EXOC6B: variants seen among roughly 807,000 people sequenced by gnomAD.
EXOC6B encodes exocyst complex component 6B.
EXOC6B carries 54 observed loss-of-function variants against 113.5 expected under a neutral mutation model. That is an observed-to-expected ratio of 0.48 (90% CI 0.38 to 0.60). The LOEUF (loss-of-function observed/expected upper bound fraction) is 0.60. Among genes scored for constraint, EXOC6B ranks in the 20% least tolerant of loss-of-function variants. The probability of loss-of-function intolerance (pLI) is 0.00; values close to 1 mark genes in which losing one functional copy is unlikely to be tolerated. For synonymous variants in EXOC6B, 357 were observed against 339.0 expected (o/e 1.05, Z -0.58); for missense variants, 797 against 977.5 (o/e 0.82, Z 2.46).
intron 11 of EXOC6B, among the ~76,000 whole-genome samples, chr2:72,504,236 A>G (rs1161410464): frequency 6.6e-6 from 1 of 152,036 alleles, no homozygotes; most frequent in African/African-American, 2.4e-5. Flanking sequence ...TTAAGACGTC[A>G]TTGTATATTT....
rs373505396 is a variant in EXOC6B at position 72,443,145 on chromosome 2, T to C, written c.1980+22015A>G. The stretch of plus-strand genomic sequence containing the variant: ...TTCGAGACCAGCCTGGCCAATATGA[T>C]GAAACCCCATCTCTACTAAAAATAC... On this transcript the variant is annotated intron_variant, in intron 18 of 21. Transcript: ENST00000272427. Among the ~76,000 whole-genome samples, 75 of 151,896 alleles carry C rather than the reference T, an allele frequency of 4.9e-4. 3 individuals are homozygous for C. In the South Asian group the frequency reaches 0.015, roughly 31 times the overall value.
intron 17 of EXOC6B, among the ~76,000 whole-genome samples, chr2:72,469,412 T>G (rs1698262355): frequency 6.6e-6 from 1 of 152,222 alleles, no homozygotes; most frequent in South Asian, 2.1e-4. Flanking sequence ...AGATCCTTCT[T>G]CTTTCTAATA....
intron 18 of EXOC6B, among the ~76,000 whole-genome samples, chr2:72,446,029 T>A (rs901189002): frequency 1.3e-5 from 2 of 152,182 alleles, no homozygotes. Context: ...AAGGGAACGC[T>A]TATACACTGT....
chr2:72,440,044 C>T (rs968488252), intron 18 of EXOC6B, among the ~76,000 whole-genome samples: 6 of 152,094 alleles, frequency 3.9e-5, no homozygotes, highest in African/African-American at 1.4e-4. Flanking sequence ...CAGTCTTCCC[C>T]TTCCTCTGAG....
At chr2:72,194,898 CT>C (rs1679077925) in intron 20 of EXOC6B, among the ~76,000 whole-genome samples, 3 of 152,124 alleles carry the variant, frequency 2.0e-5, no homozygotes, top group Non-Finnish European at 2.9e-5. Context: ...AACTCCTCTT[CT>C]TTTCCCTAGT....
intron 15 of EXOC6B, among the ~76,000 whole-genome samples, chr2:72,495,140 G>A (rs74402944): frequency 2.4e-4 from 36 of 152,124 alleles, no homozygotes; most frequent in African/African-American, 4.3e-4. Flanking sequence ...TTACAAAAAT[G>A]AGCCACTGCA....
chr2:72,676,214 A>C (rs1022480608), intron 6 of EXOC6B, among the ~76,000 whole-genome samples: 1 of 152,044 alleles, frequency 6.6e-6, no homozygotes, highest in East Asian at 1.9e-4. Context: ...AGCCACTCTT[A>C]GTCTTTAGAG....
At chr2:72,316,684 A>G (rs1687532771) in intron 20 of EXOC6B, among the ~76,000 whole-genome samples, 1 of 152,204 alleles carries the variant, frequency 6.6e-6, no homozygotes. Flanking sequence ...CCACTGAGGG[A>G]TGGGGAATTC....
At chr2:72,667,430 C>A (rs983580827) in intron 6 of EXOC6B, among the ~76,000 whole-genome samples, 1 of 152,002 alleles carries the variant, frequency 6.6e-6, no homozygotes. Context: ...CAATCATAAG[C>A]AAAAGGACAA....
chr2:72,802,316 C>T (rs1685331713), intron 1 of EXOC6B, among the ~76,000 whole-genome samples: 2 of 149,066 alleles, frequency 1.3e-5, no homozygotes, highest in African/African-American at 4.9e-5. Flanking sequence ...CAGGGCAAGA[C>T]TCTGTCTCAA....
intron 20 of EXOC6B, among the ~76,000 whole-genome samples, chr2:72,260,687 C>T (rs1303033284): frequency 1.3e-5 from 2 of 152,084 alleles, no homozygotes; most frequent in African/African-American, 4.8e-5. Context: ...AAGATTTTGG[C>T]AATTTCCTTG....
intron 18 of EXOC6B, among the ~76,000 whole-genome samples, chr2:72,443,979 A>G (rs1383918965): frequency 2.6e-5 from 4 of 152,174 alleles, no homozygotes; most frequent in Non-Finnish European, 4.4e-5. Context: ...GTCTTAACTC[A>G]TTTCAGCATT....
intron 17 of EXOC6B, among the ~76,000 whole-genome samples, chr2:72,472,925 T>C (rs1398152577): frequency 6.6e-6 from 1 of 152,192 alleles, no homozygotes; most frequent in Non-Finnish European, 1.5e-5. Context: ...TATTAATTTC[T>C]TCATTGAACC....
intron 6 of EXOC6B, among the ~76,000 whole-genome samples, chr2:72,639,156 C>T (rs1172988116): frequency 6.6e-6 from 1 of 152,174 alleles, no homozygotes; most frequent in African/African-American, 2.4e-5. Flanking sequence ...TTTTGCTTTC[C>T]TTGCCACAAC....
At chr2:72,630,295 A>G (rs1672307481) in intron 6 of EXOC6B, among the ~76,000 whole-genome samples, 1 of 152,208 alleles carries the variant, frequency 6.6e-6, no homozygotes, top group South Asian at 2.1e-4. Context: ...TGAGATCACA[A>G]ATGTGTGGTC....
chr2:72,816,921 C>G (rs928745072), intron 1 of EXOC6B, among the ~76,000 whole-genome samples: 2 of 152,198 alleles, frequency 1.3e-5, no homozygotes, highest in African/African-American at 4.8e-5. Flanking sequence ...CCATTGCTAG[C>G]TAACTGAACC....
chr2:72,785,458 C>CA (rs1684320030), intron 1 of EXOC6B, among the ~76,000 whole-genome samples: 1 of 152,244 alleles, frequency 6.6e-6, no homozygotes, highest in Non-Finnish European at 1.5e-5. Flanking sequence ...GCCCCTGCAG[C>CA]AAACTTTTGC....
intron 18 of EXOC6B, among the ~76,000 whole-genome samples, chr2:72,447,568 C>T (rs1696662172): frequency 6.6e-6 from 1 of 152,136 alleles, no homozygotes; most frequent in South Asian, 2.1e-4. Context: ...AAACTCAATA[C>T]ATTAGGTGTG....
At chr2:72,403,209 T>C (rs1346182814) in intron 18 of EXOC6B, among the ~76,000 whole-genome samples, 1 of 152,226 alleles carries the variant, frequency 6.6e-6, no homozygotes, top group Non-Finnish European at 1.5e-5. Context: ...CAGTCTATTG[T>C]ATGTCTGCAT....
Sources: gnomAD v4.1 joint callset for allele counts (sites outside exome capture counted in the v4.1 genomes callset) on GRCh38, gnomAD v4.1.1 for gene constraint, MANE v1.5 for transcripts, NCBI Gene and HGNC (gene_info 2026-07-23, HGNC 2026-07-21) for gene names.